Variants in CYP1A2 observed in about 807,000 individuals in gnomAD.
CYP1A2 encodes the protein cytochrome P450 family 1 subfamily A member 2.
CYP1A2 carries 35 observed loss-of-function variants against 34.7 expected under a neutral mutation model. That is an observed-to-expected ratio of 1.01 (90% confidence interval 0.77 to 1.34). The LOEUF (loss-of-function observed/expected upper bound fraction) is 1.34. Ranked by LOEUF, CYP1A2 falls within the 40% of genes most tolerant of loss-of-function variation. CYP1A2 has a pLI of 0.00. For missense variants in CYP1A2, 675 were observed against 675.8 expected (o/e 1.00, Z 0.01); for synonymous variants, 288 against 281.9 (o/e 1.02, Z -0.22).
At chr15:74,751,897 G>T in intron 4 of CYP1A2, 43 bp downstream of exon 4, 2 of 1,600,586 alleles carry the variant, frequency 1.2e-6, no homozygotes, top group South Asian at 1.1e-5. Flanking sequence ...GAAGCCTTGA[G>T]ACCCAGGTTG....
Position 74,755,299 on chromosome 15 carries a change from T to TA in CYP1A2, c.*212dup. ...GGCCAACATAGTGGGACCCTGTCTCTACAAAAAAAAAATTTGCCAAGAGCC... is the reference window on the plus strand; with the variant it reads ...GGCCAACATAGTGGGACCCTGTCTCTAACAAAAAAAAAATTTGCCAAGAGCC... On this transcript the variant is annotated 3_prime_UTR_variant, in exon 7 of 7. Coordinates refer to ENST00000343932, the MANE Select transcript of CYP1A2 (RefSeq NM_000761.5). 1 of 419,178 alleles carries TA rather than the reference T, an allele frequency of 2.4e-6. No homozygotes were observed. 26.0% of individuals were successfully genotyped at this position (419,178 alleles called of 1,614,324 possible).
At chr15:74,751,938 C>A (rs904889812) in intron 4 of CYP1A2, 84 bp downstream of exon 4, 1 of 1,525,840 alleles carries the variant, frequency 6.6e-7, no homozygotes, top group Non-Finnish European at 9.0e-7. Flanking sequence ...CTGTTATGTG[C>A]CTGCTGTGTG....
rs1041862747 is a variant in CYP1A2 at position 74,755,370 on chromosome 15, C to CA, written c.*292dup. ...CATCTCAAAAAAAAAAACAAACAAA[C>CA]AAAAAAAAAACCATATATATACATA... is the stretch of plus-strand genomic sequence containing the variant. On this transcript the variant is annotated 3_prime_UTR_variant, in exon 7 of 7. Coordinates refer to ENST00000343932, the MANE Select transcript of CYP1A2 (RefSeq NM_000761.5). 0.011 allele frequency: 2,407 copies of CA among 214,468 alleles called. 30 individuals carry two copies. The highest frequency in any genetic ancestry group is 0.041 in the African/African-American group (1,470 of 35,476). The allele number at this position is 214,468 out of a possible 1,614,324, so 13.3% of individuals were successfully genotyped here.
At chr15:74,752,678 C>T (rs920285260) in intron 5 of CYP1A2, among the ~76,000 whole-genome samples, 1 of 152,180 alleles carries the variant, frequency 6.6e-6, no homozygotes, top group Non-Finnish European at 1.5e-5. Context: ...CCAGCTGGCA[C>T]AGCTTCATTC....
chr15:74,749,965 T>C lies in CYP1A2; in HGVS notation c.227T>C (p.Leu76Pro). Residue 76 changes from leucine (L) to proline (P), a missense_variant, in exon 2 of 7, where the codon CTG becomes CCG. Coordinates refer to ENST00000343932, the MANE Select transcript of CYP1A2 (RefSeq NM_000761.5). ...ATGAGCCAGCGCTACGGGGACGTCC[T>C]GCAGATCCGCATTGGCTCCACGCCC... is the stretch of plus-strand genomic sequence containing the variant. ...SRMSQRYGDV[L>P]QIRIGSTPVL... The C allele has an allele frequency of 6.2e-7, 1 of 1,614,064 alleles. No homozygotes were observed.
chr15:74,754,838 C>T lies in CYP1A2; in HGVS notation c.1301C>T (p.Thr434Ile). The T allele has an allele frequency of 3.1e-6, 5 of 1,614,192 alleles. No individual in the cohort carries two copies. Among genetic ancestry groups the T allele is most frequent in the Non-Finnish European group, 4.2e-6 (5 of 1,180,020 alleles). ...GAGTTCCGGCCTGAGCGGTTCCTCA[C>T]CGCCGATGGCACTGCCATTAACAAG... ...PSEFRPERFL[T>I]ADGTAINKPL... Residue 434 changes from threonine (T) to isoleucine (I), a missense_variant, in exon 7 of 7, where the codon ACC becomes ATC. By Grantham distance (89) the Thr-to-Ile change is moderately conservative (BLOSUM62 -1). Transcript: ENST00000343932.
intron 1 of CYP1A2, among the ~76,000 whole-genome samples, chr15:74,749,102 T>C (rs2141735758): frequency 6.6e-6 from 1 of 152,294 alleles, no homozygotes; most frequent in East Asian, 1.9e-4. Flanking sequence ...TGGGGAGGGC[T>C]TCCCCCTTAG....
Position 74,755,486 on chromosome 15 carries a change from C to T in CYP1A2, c.*398C>T, listed in dbSNP as rs1341113657. Reference sequence around the variant, plus strand: ...TGTCTGAGACAGAATCTCAGTCTGTCACCCAGGTTGGAGTGCAGTGGCGTG... The same window carrying T: ...TGTCTGAGACAGAATCTCAGTCTGTTACCCAGGTTGGAGTGCAGTGGCGTG... On this transcript the variant is annotated 3_prime_UTR_variant, in exon 7 of 7. Coordinates refer to ENST00000343932, the MANE Select transcript of CYP1A2 (RefSeq NM_000761.5). 8 of 153,662 alleles carry T rather than the reference C, an allele frequency of 5.2e-5. No homozygotes were observed. In the East Asian group the frequency reaches 1.5e-3, roughly 29 times the overall value. 9.5% of individuals were successfully genotyped at this position (153,662 alleles called of 1,614,324 possible).
In CYP1A2 at chr15:74,749,787, G is replaced by C; in HGVS notation, c.49G>C (p.Ala17Pro). ...VPFSATELLL[A>P]SAIFCLVFWV... ...CTTCTCGGCCACAGAGCTTCTCCTGGCCTCTGCCATCTTCTGCCTGGTATT... is the reference window on the plus strand; with the variant it reads ...CTTCTCGGCCACAGAGCTTCTCCTGCCCTCTGCCATCTTCTGCCTGGTATT... The change falls in exon 2 of 7, where the codon GCC becomes CCC. Residue 17 changes from alanine (A) to proline (P), a missense_variant. Coordinates refer to ENST00000343932, the MANE Select transcript of CYP1A2 (RefSeq NM_000761.5). 6.4e-7 allele frequency: 1 copy of C among 1,571,028 alleles called. No individual in the cohort carries two copies. The highest frequency in any genetic ancestry group is 8.7e-7 in the Non-Finnish European group (1 of 1,155,428).
rs760561182 is a variant in CYP1A2, at chr15:74,749,919, C to T, written c.181C>T (p.Pro61Ser). The change falls in exon 2 of 7, where the codon CCG (proline) becomes TCG (serine). Residue 61 changes from proline to serine, a missense_variant. Transcript: ENST00000343932. ...GCATGTGCTGACCCTGGGGAAGAAC[C>T]CGCACCTGGCACTGTCAAGGATGAG... ...LGHVLTLGKN[P>S]HLALSRMSQR... 1 of 1,610,938 alleles carries T rather than the reference C, an allele frequency of 6.2e-7. No individual in the cohort carries two copies. The highest frequency in any genetic ancestry group is 8.5e-7 in the Non-Finnish European group (1 of 1,177,522).
rs2063333451 is a variant in CYP1A2, at chr15:74,755,355, A to C, written c.*267A>C. 3.2e-6 allele frequency: 1 copy of C among 307,712 alleles called. No individual in the cohort carries two copies. The highest frequency in any genetic ancestry group is 2.3e-5 in the African/African-American group (1 of 42,844). The allele number at this position is 307,712 out of a possible 1,614,324, so 19.1% of individuals were successfully genotyped here. On this transcript the variant is annotated 3_prime_UTR_variant, in exon 7 of 7. Transcript: ENST00000343932. The stretch of plus-strand genomic sequence containing the variant: ...GACAGAGCAAGACCCCATCTCAAAA[A>C]AAAAAACAAACAAACAAAAAAAAAA...
In CYP1A2 at chr15:74,751,765, G is replaced by A. The variant is rs748321462; in HGVS notation, c.953G>A (p.Gly318Glu). ...VNLVNDIFGA[G>E]FDTVTTAISW... Reference sequence around the variant, plus strand: ...CCTCACCTTACACTACACGGTTCAGGATTTGACACAGTCACCACAGCCATC... The same window carrying A: ...CCTCACCTTACACTACACGGTTCAGAATTTGACACAGTCACCACAGCCATC... The change falls in exon 4 of 7, where the codon GGA (glycine) becomes GAA (glutamate). Residue 318 changes from glycine (G) to glutamate (E), a missense_variant and splice_region_variant. Coordinates refer to ENST00000343932, the MANE Select transcript of CYP1A2 (RefSeq NM_000761.5). 2.5e-6 allele frequency: 4 copies of A among 1,613,708 alleles called. No individual in the cohort carries two copies. The East Asian group carries it at 8.9e-5, about 36-fold the overall frequency.
chr15:74,754,911 T>C lies in CYP1A2; in HGVS notation c.1374T>C (p.Cys458=). ...MMLFGMGKRR[C]IGEVLAKWEI... ...TGTTTGGCATGGGCAAGCGCCGGTGTATCGGGGAAGTCCTGGCCAAGTGGG... is the reference window on the plus strand; with the variant it reads ...TGTTTGGCATGGGCAAGCGCCGGTGCATCGGGGAAGTCCTGGCCAAGTGGG... Residue 458 remains cysteine (C), a synonymous_variant, in exon 7 of 7, where the codon TGT becomes TGC. Coordinates refer to ENST00000343932, the MANE Select transcript of CYP1A2 (RefSeq NM_000761.5). 1 of 1,614,180 alleles carries C rather than the reference T, an allele frequency of 6.2e-7. No homozygotes were observed. The highest frequency in any genetic ancestry group is 8.5e-7 in the Non-Finnish European group (1 of 1,180,046).
In CYP1A2 at chr15:74,753,190, A is replaced by C; in HGVS notation, c.1173A>C (p.Thr391=). ...TGCCCTCTTCCCTCCTCAGCACAAC[A>C]AGGGACACAACGCTGAATGGCTTCT... is the stretch of plus-strand genomic sequence containing the variant. ...FLPFTIPHST[T]RDTTLNGFYI... The change falls in exon 6 of 7, where the codon ACA becomes ACC. Residue 391 remains threonine, a synonymous_variant. Coordinates refer to ENST00000343932, the MANE Select transcript of CYP1A2 (RefSeq NM_000761.5). 3 of 1,613,290 alleles carry C rather than the reference A, an allele frequency of 1.9e-6. No individual in the cohort carries two copies. Among genetic ancestry groups the C allele is most frequent in the East Asian group, 4.5e-5 (2 of 44,848 alleles).
At position 74,751,247 on chromosome 15, in the gene CYP1A2, C is replaced by T; in HGVS notation, c.890C>T (p.Ala297Val). The change falls in exon 3 of 7, where the codon GCC becomes GTC. Residue 297 changes from alanine to valine, a missense_variant. Coordinates refer to ENST00000343932, the MANE Select transcript of CYP1A2 (RefSeq NM_000761.5). ...LFKHSKKGPR[A>V]SGNLIPQEKI... ...AAGCACAGCAAGAAGGGGCCTAGAG[C>T]CAGCGGCAACCTCATCCCACAGGAG... 1 of 1,614,134 alleles carries T rather than the reference C, an allele frequency of 6.2e-7. No homozygotes were observed. The highest frequency in any genetic ancestry group is 1.1e-5 in the South Asian group (1 of 91,078).
rs745416686 is a variant in CYP1A2 at position 74,753,166 on chromosome 15, G to A, written c.1167-18G>A. On this transcript the variant is annotated intron_variant, in intron 5 of 6. Coordinates refer to ENST00000343932, the MANE Select transcript of CYP1A2 (RefSeq NM_000761.5). ...GCTTTCCAGCCCTGAGCCTCACAGT[G>A]CCCTCTTCCCTCCTCAGCACAACAA... 6.8e-6 allele frequency: 11 copies of A among 1,608,626 alleles called. No homozygotes were observed. In the East Asian group the frequency reaches 2.2e-4, roughly 33 times the overall value.
In CYP1A2 at chr15:74,755,532, C is replaced by A. The variant is rs979917352; in HGVS notation, c.*444C>A. 1 of 153,826 alleles carries A rather than the reference C, an allele frequency of 6.5e-6. No individual in the cohort carries two copies. Among genetic ancestry groups the A allele is most frequent in the Non-Finnish European group, 1.4e-5 (1 of 69,634 alleles). The allele number at this position is 153,826 out of a possible 1,614,324, so 9.5% of individuals were successfully genotyped here. On this transcript the variant is annotated 3_prime_UTR_variant, in exon 7 of 7. Coordinates refer to ENST00000343932, the MANE Select transcript of CYP1A2 (RefSeq NM_000761.5). ...GCGTGATCTCAGCTCACTGCAACCT[C>A]CACCTCGCAGGTTCAAGCAATCCTC...
rs755877881 is a variant in CYP1A2 at position 74,751,284 on chromosome 15, C to A, written c.927C>A (p.Asn309Lys). Residue 309 changes from asparagine (N) to lysine (K), a missense_variant, in exon 3 of 7, where the codon AAC becomes AAA. Asn to Lys is a moderately conservative substitution (Grantham distance 94, BLOSUM62 0). Transcript: ENST00000343932. ...TCATCCCACAGGAGAAGATTGTCAA[C>A]CTTGTCAATGACATCTTTGGAGCAG... is the stretch of plus-strand genomic sequence containing the variant. The part of the protein sequence containing the change: ...GNLIPQEKIV[N>K]LVNDIFGAGF... 2 of 1,614,138 alleles carry A rather than the reference C, an allele frequency of 1.2e-6. No homozygotes were observed. Among genetic ancestry groups the A allele is most frequent in the East Asian group, 4.5e-5 (2 of 44,894 alleles).
Position 74,751,191 on chromosome 15 carries a change from C to G in CYP1A2, c.834C>G (p.Asn278Lys). The G allele has an allele frequency of 1.2e-6, 2 of 1,613,976 alleles. No homozygotes were observed. Among genetic ancestry groups the G allele is most frequent in the Non-Finnish European group, 8.5e-7 (1 of 1,179,946 alleles). Residue 278 changes from asparagine to lysine, a missense_variant and splice_region_variant, in exon 3 of 7, where the codon AAC (asparagine) becomes AAG (lysine). Asn to Lys is a moderately conservative substitution (Grantham distance 94). Transcript: ENST00000343932. ...CCCCTAAGCTTGTGCCCCCTCAGAA[C>G]AGTGTCCGGGACATCACGGGTGCCC... The part of the protein sequence containing the change: ...VQEHYQDFDK[N>K]SVRDITGALF...
Sources: allele counts gnomAD v4.1 joint callset (sites outside exome capture counted in the v4.1 genomes callset), GRCh38; gene constraint gnomAD v4.1.1; transcripts MANE v1.5; gene names NCBI Gene and HGNC (gene_info 2026-07-23, HGNC 2026-07-21).